Variants in DPP9 observed in about 807,000 individuals in gnomAD.
The protein encoded by DPP9 is dipeptidyl peptidase 9, also known as dipeptidyl peptidase IV-related protein-2.
In DPP9, 50 loss-of-function variants were observed where a neutral mutation model predicts 110.7. That is an observed-to-expected ratio of 0.45 (90% CI 0.36 to 0.57). DPP9 has a LOEUF of 0.57. DPP9 is among the 20% of genes least tolerant of loss of function. The pLI is 0.00. For synonymous variants in DPP9, 561 were observed against 514.4 expected (o/e 1.09, Z -1.23); for missense variants, 1,022 against 1,217.9 (o/e 0.84, Z 2.39).
Position 4,682,561 on chromosome 19 carries a change from G to T in DPP9, c.2474+135C>A. 2.3e-6 allele frequency: 3 copies of T among 1,316,956 alleles called. No individual in the cohort carries two copies. The highest frequency in any genetic ancestry group is 2.8e-5 in the South Asian group (2 of 71,144). The allele number at this position is 1,316,956 out of a possible 1,614,324, so 81.6% of individuals were successfully genotyped here. A position where few individuals can be genotyped will look rare whatever the true frequency, so the allele number is the denominator to read the frequency against. On this transcript the variant is annotated intron_variant, in intron 20 of 21. Transcript: ENST00000262960. This position sits in a 1 kb window ranked among gnomAD's most constrained non-coding sequence, Gnocchi z 7.1. ...AGGCAGACGCCACCACAGGAGCACA[G>T]CGGGGAGGCTCCACATGGCCTGAGG...
intron 14 of DPP9, 139 bp downstream of exon 14, chr19:4,690,739 G>T (rs1036692283): frequency 3.8e-5 from 27 of 716,574 alleles, no homozygotes; most frequent in Non-Finnish European, 5.7e-5. Flanking sequence ...CCTCACAGGT[G>T]TGTGTGCGTG....
At chr19:4,681,338 CAG>C (rs1482050354) in intron 20 of DPP9, among the ~76,000 whole-genome samples, 1 of 152,100 alleles carries the variant, frequency 6.6e-6, no homozygotes, top group African/African-American at 2.4e-5. Flanking sequence ...TTTTTTGAGA[CAG>C]AGTCTCGCTC....
chr19:4,681,106 G>A (rs577221433), intron 20 of DPP9, among the ~76,000 whole-genome samples: 142 of 152,150 alleles, frequency 9.3e-4, no homozygotes, highest in Non-Finnish European at 8.4e-4. Context: ...ACACGTCGCC[G>A]TTGAAATTCC....
At chr19:4,686,852 G>A (rs1324820132) in intron 16 of DPP9, among the ~76,000 whole-genome samples, 1 of 152,206 alleles carries the variant, frequency 6.6e-6, no homozygotes, top group African/African-American at 2.4e-5. Context: ...GGAATTGGGC[G>A]TGGCGGGACA....
Position 4,704,997 on chromosome 19 carries a change from C to CAA in DPP9, c.427-695_427-694dup, listed in dbSNP as rs948801610. On this transcript the variant is annotated intron_variant, in intron 5 of 21. Transcript: ENST00000262960. This position sits in a 1 kb window ranked among gnomAD's most constrained non-coding sequence, Gnocchi z 6.0. Reference sequence around the variant, plus strand: ...TGAGTGACAGAGTGAGACTTTGTCTCAAAAAAAAAAGCAGAATCAAAAGCA... The same window carrying CAA: ...TGAGTGACAGAGTGAGACTTTGTCTCAAAAAAAAAAAAGCAGAATCAAAAGCA... 1.4e-5 allele frequency among the ~76,000 whole-genome samples: 2 copies of CAA among 145,186 alleles called. No homozygotes were observed. Among genetic ancestry groups the CAA allele is most frequent in the African/African-American group, 5.1e-5 (2 of 39,426 alleles).
chr19:4,684,913 A>C lies in DPP9; in HGVS notation c.2032-104T>G. 1 of 1,454,276 alleles carries C rather than the reference A, an allele frequency of 6.9e-7. No individual in the cohort carries two copies. The highest frequency in any genetic ancestry group is 9.4e-7 in the Non-Finnish European group (1 of 1,065,070). The allele number at this position is 1,454,276 out of a possible 1,614,324, so 90.1% of individuals were successfully genotyped here. The stretch of plus-strand genomic sequence containing the variant: ...GGGGACCGGGCCGGGCTGGGGCCTC[A>C]GAGCCTAATGAAAGCACCTGTGCCC... On this transcript the variant is annotated intron_variant, in intron 17 of 21. Coordinates refer to ENST00000262960, the MANE Select transcript of DPP9 (RefSeq NM_139159.5). The surrounding 1 kb of genome is among the most constrained non-coding windows in gnomAD (Gnocchi z 4.8).
chr19:4,677,436 G>T (rs1363540853), intron 21 of DPP9, among the ~76,000 whole-genome samples: 2 of 152,196 alleles, frequency 1.3e-5, no homozygotes, highest in African/African-American at 4.8e-5. Flanking sequence ...TCCTGCCAGT[G>T]AGATGGGTTT....
At position 4,685,822 on chromosome 19, in the gene DPP9, T is replaced by A. The variant is rs1599876394; in HGVS notation, c.1886-51A>T. ...GCTGCCCGGGGAAGCCACATCCAGCTGACACCCTTGTTCTCCTGCCCACCC... is the reference window on the plus strand; with the variant it reads ...GCTGCCCGGGGAAGCCACATCCAGCAGACACCCTTGTTCTCCTGCCCACCC... On this transcript the variant is annotated intron_variant, in intron 16 of 21. Coordinates refer to ENST00000262960, the MANE Select transcript of DPP9 (RefSeq NM_139159.5). This position sits in a 1 kb window ranked among gnomAD's most constrained non-coding sequence, Gnocchi z 5.8. The A allele has an allele frequency of 6.3e-7, 1 of 1,594,812 alleles. No homozygotes were observed. Among genetic ancestry groups the A allele is most frequent in the Non-Finnish European group, 8.5e-7 (1 of 1,171,876 alleles).
intron 14 of DPP9, among the ~76,000 whole-genome samples, chr19:4,690,166 G>A (rs534980274): frequency 1.6e-4 from 24 of 152,366 alleles, no homozygotes; most frequent in Non-Finnish European, 2.6e-4. Flanking sequence ...GGAAGCCCCA[G>A]TAGGCCCCGA....
In DPP9 at chr19:4,676,716, C is replaced by A. The variant is rs2088876489; in HGVS notation, c.2587-60G>T. 1 of 1,419,226 alleles carries A rather than the reference C, an allele frequency of 7.0e-7. No homozygotes were observed. Among genetic ancestry groups the A allele is most frequent in the East Asian group, 2.5e-5 (1 of 40,484 alleles). The allele number at this position is 1,419,226 out of a possible 1,614,324, so 87.9% of individuals were successfully genotyped here. ...GGCCGGACCACCCCCGTGTCCTAGG[C>A]TCCTCCCTTATTCTGGCTCAGGGCA... On this transcript the variant is annotated intron_variant, in intron 21 of 21. Transcript: ENST00000262960. This position sits in a 1 kb window ranked among gnomAD's most constrained non-coding sequence, Gnocchi z 4.0.
chr19:4,684,243 G>C lies in DPP9; in HGVS notation c.2178+420C>G, dbSNP rs1196286233. ...AAGCAGCACAGGGCCTCTCTGGAGG[G>C]TTGCTGACCAGGCAACCTCGTGGGA... On this transcript the variant is annotated intron_variant, in intron 18 of 21. Coordinates refer to ENST00000262960, the MANE Select transcript of DPP9 (RefSeq NM_139159.5). The surrounding 1 kb of genome is among the most constrained non-coding windows in gnomAD (Gnocchi z 4.8). The C allele has an allele frequency of 3.8e-6, 1 of 266,492 alleles. No homozygotes were observed. The highest frequency in any genetic ancestry group is 2.2e-5 in the African/African-American group (1 of 45,014). 16.5% of individuals were successfully genotyped at this position (266,492 alleles called of 1,614,324 possible). A position where few individuals can be genotyped will look rare whatever the true frequency, so the allele number is the denominator to read the frequency against.
At chr19:4,696,767 T>C (rs2091837396) in intron 11 of DPP9, among the ~76,000 whole-genome samples, 1 of 151,560 alleles carries the variant, frequency 6.6e-6, no homozygotes, top group Non-Finnish European at 1.5e-5. Context: ...AATTAAAATA[T>C]TAGCTGGGAG....
At chr19:4,691,321 GA>G (rs2091293973) in intron 13 of DPP9, among the ~76,000 whole-genome samples, 1 of 151,506 alleles carries the variant, frequency 6.6e-6, no homozygotes, top group Non-Finnish European at 1.5e-5. Flanking sequence ...AAAAAAAAAA[GA>G]AAAATTAGCC....
intron 21 of DPP9, chr19:4,679,600 G>T (rs1222210118): frequency 3.7e-6 from 2 of 540,774 alleles, no homozygotes; most frequent in East Asian, 6.4e-5. Flanking sequence ...CCCCGATCCC[G>T]TGCTTCCAGC....
At chr19:4,705,502 C>A (rs1181186912) in intron 5 of DPP9, among the ~76,000 whole-genome samples, 1 of 152,236 alleles carries the variant, frequency 6.6e-6, no homozygotes, top group South Asian at 2.1e-4. Flanking sequence ...CACAAAAACA[C>A]GCCAATCAAT....
intron 3 of DPP9, among the ~76,000 whole-genome samples, chr19:4,716,601 C>T (rs948038913): frequency 6.6e-6 from 1 of 151,574 alleles, no homozygotes; most frequent in African/African-American, 2.4e-5. Flanking sequence ...CGTGCCACTG[C>T]ACTCCAGCCT....
intron 14 of DPP9, among the ~76,000 whole-genome samples, chr19:4,690,136 C>T (rs913150546): frequency 6.6e-6 from 1 of 152,222 alleles, no homozygotes; most frequent in East Asian, 1.9e-4. Flanking sequence ...TCAGAAGTGG[C>T]AGGGCCCTAC....
intron 1 of DPP9, chr19:4,722,878 C>T (rs2093382893): frequency 3.4e-6 from 1 of 296,054 alleles, no homozygotes; most frequent in African/African-American, 2.2e-5. Context: ...CCTGGGGCCC[C>T]TGGGGAAGAC....
rs1365128426 is a variant in DPP9, at chr19:4,723,495, C to CT, written c.-89+178dup. Among the ~76,000 whole-genome samples the CT allele has an allele frequency of 4.6e-5, 7 of 152,116 alleles. No homozygotes were observed. In the East Asian group the frequency reaches 1.3e-3, roughly 29 times the overall value. ...GGAGGGAAAGAAGGTGGAGGAGGGCCTGGGGCGGAGAGGAAACGAGGCAGG... is the reference window on the plus strand; with the variant it reads ...GGAGGGAAAGAAGGTGGAGGAGGGCCTTGGGGCGGAGAGGAAACGAGGCAGG... On this transcript the variant is annotated intron_variant, in intron 1 of 21. Transcript: ENST00000262960.
Sources: gnomAD v4.1 joint callset for allele counts (sites outside exome capture counted in the v4.1 genomes callset) on GRCh38, gnomAD v4.1.1 for gene constraint, Gnocchi (gnomAD v3.1) non-coding constraint, MANE v1.5 for transcripts, NCBI Gene and HGNC (gene_info 2026-07-23, HGNC 2026-07-21) for gene names.